The following PIAS2 variants were observed in gnomAD, a reference collection of about 807,000 sequenced individuals.
PIAS2 encodes E3 SUMO-protein ligase PIAS2.
PIAS2 carries 19 observed loss-of-function variants against 69.7 expected under a neutral mutation model. The observed-to-expected ratio is 0.27, with a 90% CI of 0.19 to 0.40. The LOEUF is 0.40. Ranked by LOEUF, PIAS2 falls within the 10% of genes least tolerant of loss-of-function variation. The pLI is 1.00. For missense variants in PIAS2, 624 were observed against 757.0 expected, an observed-to-expected ratio of 0.82 and a Z score of 2.06; for synonymous variants, 261 against 263.2, an observed-to-expected ratio of 0.99 and a Z score of 0.08.
At chr18:46,891,127 T>C (rs1263395186) in intron 1 of PIAS2, 73 bp from the exon 2 acceptor site, 1 of 1,096,008 alleles carries the variant, frequency 9.1e-7, no homozygotes, top group Admixed American at 2.3e-5. Flanking sequence ...AAATATAATG[T>C]AAAATGTGAT....
chr18:46,822,790 C>T (rs574967015), intron 11 of PIAS2, among the ~76,000 whole-genome samples: 8 of 152,130 alleles, frequency 5.3e-5, no homozygotes, highest in South Asian at 4.2e-4. Context: ...CTGGGGTATA[C>T]GTGAGTGCTG....
At chr18:46,838,981 A>C (rs1476156732) in intron 8 of PIAS2, among the ~76,000 whole-genome samples, 7 of 152,238 alleles carry the variant, frequency 4.6e-5, no homozygotes, top group Non-Finnish European at 8.8e-5. Flanking sequence ...TTCAGCACCC[A>C]ATGAGATAAC....
chr18:46,863,937 G>A (rs932219851), intron 3 of PIAS2, among the ~76,000 whole-genome samples: 2 of 152,132 alleles, frequency 1.3e-5, no homozygotes, highest in East Asian at 1.9e-4. Context: ...AAGACACCAC[G>A]GATGCACTAG....
At position 46,808,983 on chromosome 18, in the gene PIAS2, G is replaced by A. The variant is rs1354806804; in HGVS notation, c.*3450C>T. ...GGCAGAAAAAAAAGACAACTTGGCT[G>A]GAAATGCTGAGTGTCTTGGACTGGT... On this transcript the variant is annotated 3_prime_UTR_variant, in exon 14 of 14. Coordinates refer to ENST00000585916, the MANE Select transcript of PIAS2 (RefSeq NM_004671.5). 6.6e-6 allele frequency: 1 copy of A among 152,084 alleles called. No homozygotes were observed. Among genetic ancestry groups the A allele is most frequent in the Non-Finnish European group, 1.5e-5 (1 of 68,014 alleles). The allele number at this position is 152,084 out of a possible 1,614,324, so 9.4% of individuals were successfully genotyped here.
chr18:46,831,175 C>T (rs1376212656), intron 9 of PIAS2, among the ~76,000 whole-genome samples: 1 of 152,078 alleles, frequency 6.6e-6, no homozygotes, highest in East Asian at 1.9e-4. Flanking sequence ...AATAAAGCTA[C>T]TAGAACTACT....
At chr18:46,846,904 A>C in intron 5 of PIAS2, 63 bp from the exon 6 acceptor site, 1 of 1,438,284 alleles carries the variant, frequency 7.0e-7, no homozygotes. Context: ...CATTTTCTCC[A>C]AGATAGATAC....
intron 1 of PIAS2, chr18:46,903,413 T>C (rs2056169828): frequency 6.6e-6 from 1 of 150,688 alleles, no homozygotes; most frequent in African/African-American, 2.4e-5. Context: ...CAAAGAGACA[T>C]GTCATGGATT....
rs185222258 is a variant in PIAS2, at chr18:46,900,610, G to A, written c.25-9556C>T. On this transcript the variant is annotated intron_variant, in intron 1 of 13. Transcript: ENST00000585916. ...GAGGATACCCTGGGCCCAGGAGTTT[G>A]AGGCTGCAGTGAGCTATAATCATGC... is the stretch of plus-strand genomic sequence containing the variant. Among the ~76,000 whole-genome samples the A allele has an allele frequency of 8.2e-3, 1,242 of 152,170 alleles. 8 individuals are homozygous for A. Among genetic ancestry groups the A allele is most frequent in the Non-Finnish European group, 0.014 (945 of 68,014 alleles).
At chr18:46,877,518 T>C (rs1251510003) in intron 2 of PIAS2, among the ~76,000 whole-genome samples, 1 of 152,144 alleles carries the variant, frequency 6.6e-6, no homozygotes, top group African/African-American at 2.4e-5. Context: ...CCGAAACAGC[T>C]CTTCCCATCA....
chr18:46,839,778 T>A (rs1028510962), intron 8 of PIAS2, among the ~76,000 whole-genome samples: 4 of 149,250 alleles, frequency 2.7e-5, no homozygotes, highest in African/African-American at 9.9e-5. Flanking sequence ...GGCAGGAGAA[T>A]CACTTGAACC....
At chr18:46,837,022 G>A (rs989708512) in intron 8 of PIAS2, among the ~76,000 whole-genome samples, 14 of 152,188 alleles carry the variant, frequency 9.2e-5, no homozygotes, top group African/African-American at 3.1e-4. Context: ...TATTTAATCA[G>A]TACACTAATG....
chr18:46,900,672 T>C (rs1476392042), intron 1 of PIAS2, among the ~76,000 whole-genome samples: 1 of 117,024 alleles, frequency 8.5e-6, no homozygotes, highest in African/African-American at 3.1e-5. Flanking sequence ...TAAGACCTCA[T>C]CTGAAAAAAA....
chr18:46,846,622 C>T, intron 6 of PIAS2, 85 bp downstream of exon 6: 1 of 1,306,350 alleles, frequency 7.7e-7, no homozygotes, highest in Non-Finnish European at 1.0e-6. Context: ...ACAGAAAGAG[C>T]TGAAGCCAAC....
rs566548319 is a variant in PIAS2 at position 46,843,997 on chromosome 18, A to C, written c.1041+57T>G. On this transcript the variant is annotated intron_variant, in intron 8 of 13. Transcript: ENST00000585916. ...TCATTCCCACACTTACTTTTATAGGAAAGTTAATCATTTATAAAAAGTCAA... is the reference window on the plus strand; with the variant it reads ...TCATTCCCACACTTACTTTTATAGGCAAGTTAATCATTTATAAAAAGTCAA... The C allele has an allele frequency of 3.1e-6, 3 of 961,334 alleles. No individual in the cohort carries two copies. In the African/African-American group the frequency reaches 5.1e-5, roughly 16 times the overall value. The allele number at this position is 961,334 out of a possible 1,614,324, so 59.6% of individuals were successfully genotyped here.
At chr18:46,844,709 CT>C in intron 7 of PIAS2, 24 bp downstream of exon 7, 1 of 767,328 alleles carries the variant, frequency 1.3e-6, no homozygotes. Context: ...TTTTTAAATG[CT>C]TGGTCTTATT....
At chr18:46,861,226 G>T (rs573762804) in intron 3 of PIAS2, among the ~76,000 whole-genome samples, 1 of 152,134 alleles carries the variant, frequency 6.6e-6, no homozygotes, top group African/African-American at 2.4e-5. Context: ...GCGACGGAGT[G>T]AGACTTTGTC....
intron 1 of PIAS2, among the ~76,000 whole-genome samples, chr18:46,910,089 G>A (rs1207675942): frequency 6.6e-6 from 1 of 152,154 alleles, no homozygotes; most frequent in Non-Finnish European, 1.5e-5. Context: ...CTGGGAGGAG[G>A]AGGTTGCGGT....
intron 2 of PIAS2, among the ~76,000 whole-genome samples, chr18:46,869,683 A>G (rs2050032758): frequency 6.6e-6 from 1 of 152,198 alleles, no homozygotes; most frequent in African/African-American, 2.4e-5. Context: ...GGACAGTGAA[A>G]GGACTAAACA....
intron 2 of PIAS2, among the ~76,000 whole-genome samples, chr18:46,882,418 G>A (rs1215863286): frequency 6.6e-6 from 1 of 152,058 alleles, no homozygotes; most frequent in African/African-American, 2.4e-5. Context: ...CACACAAATG[G>A]ACTACAAATT....
Sources: allele counts gnomAD v4.1 joint callset (sites outside exome capture counted in the v4.1 genomes callset), GRCh38; gene constraint gnomAD v4.1.1; transcripts MANE v1.5; gene names NCBI Gene and HGNC (gene_info 2026-07-23, HGNC 2026-07-21).